Variants in GPC6 observed in about 807,000 individuals in gnomAD.
GPC6 encodes glypican-6.
GPC6 carries 14 observed loss-of-function variants against 55.2 expected under a neutral mutation model. That is an observed-to-expected ratio of 0.25 (90% CI 0.17 to 0.40). GPC6 has a LOEUF of 0.40. Ranked by LOEUF, GPC6 falls within the 10% of genes least tolerant of loss-of-function variation. The pLI, the probability that GPC6 is intolerant of heterozygous loss-of-function variation, is 1.00. For missense variants in GPC6, 641 were observed against 708.5 expected (o/e 0.90, Z 1.08); for synonymous variants, 278 against 259.6 (o/e 1.07, Z -0.68).
chr13:94,246,720 G>T (rs1268573402), intron 4 of GPC6, among the ~76,000 whole-genome samples: 1 of 151,944 alleles, frequency 6.6e-6, no homozygotes, highest in Non-Finnish European at 1.5e-5. Flanking sequence ...TGGTCTATGT[G>T]TCTGTTTTCA....
chr13:94,311,176 TATCTA>T (rs1876224977), intron 6 of GPC6, among the ~76,000 whole-genome samples: 1 of 152,102 alleles, frequency 6.6e-6, no homozygotes, highest in African/African-American at 2.4e-5. Context: ...AATAATCAGT[TATCTA>T]ATCTGGTTTC....
chr13:93,611,476 A>G (rs1309439598), intron 2 of GPC6, among the ~76,000 whole-genome samples: 1 of 152,130 alleles, frequency 6.6e-6, no homozygotes, highest in Non-Finnish European at 1.5e-5. Flanking sequence ...TTTTAAAAGC[A>G]CTCAGTACAG....
At chr13:93,464,331 T>C (rs1227584597) in intron 1 of GPC6, among the ~76,000 whole-genome samples, 2 of 152,198 alleles carry the variant, frequency 1.3e-5, no homozygotes, top group Non-Finnish European at 2.9e-5. Context: ...TAGCATGTGA[T>C]CCTATGTGAT....
intron 2 of GPC6, among the ~76,000 whole-genome samples, chr13:93,720,472 G>A (rs537299066): frequency 6.6e-6 from 1 of 151,430 alleles, no homozygotes; most frequent in African/African-American, 2.4e-5. Flanking sequence ...CTTCTTTTTG[G>A]TCTGGCTAGC....
chr13:94,083,342 T>C (rs755788205), intron 4 of GPC6, among the ~76,000 whole-genome samples: 2 of 152,170 alleles, frequency 1.3e-5, no homozygotes, highest in Admixed American at 6.6e-5. Context: ...ATGGTCTCGA[T>C]CTCCTGACCT....
chr13:94,287,054 G>T (rs556349282), intron 5 of GPC6, among the ~76,000 whole-genome samples: 1 of 152,118 alleles, frequency 6.6e-6, no homozygotes, highest in Non-Finnish European at 1.5e-5. Flanking sequence ...GAGCTCCTGG[G>T]TTTGCAGCTG....
At chr13:93,397,719 G>A (rs984169503) in intron 1 of GPC6, among the ~76,000 whole-genome samples, 22 of 151,466 alleles carry the variant, frequency 1.5e-4, no homozygotes, top group Middle Eastern at 3.5e-3. Flanking sequence ...TGTCTGGTTT[G>A]TTCCTATTGC....
chr13:94,373,910 C>T (rs1416148304), intron 6 of GPC6, among the ~76,000 whole-genome samples: 1 of 152,042 alleles, frequency 6.6e-6, no homozygotes, highest in African/African-American at 2.4e-5. Context: ...GGCCAATATT[C>T]AACATTCTTA....
chr13:94,041,799 C>T (rs1883544452), intron 4 of GPC6, among the ~76,000 whole-genome samples: 1 of 151,846 alleles, frequency 6.6e-6, no homozygotes, highest in South Asian at 2.1e-4. Flanking sequence ...ATTCTTTATT[C>T]TCGATCTTCC....
intron 4 of GPC6, among the ~76,000 whole-genome samples, chr13:94,047,511 A>G (rs1055174984): frequency 4.6e-5 from 7 of 151,678 alleles, no homozygotes; most frequent in African/African-American, 1.7e-4. Context: ...AGTATGGAAG[A>G]AAAAAAAAGA....
chr13:93,411,976 C>T (rs2139245972), intron 1 of GPC6, among the ~76,000 whole-genome samples: 1 of 150,432 alleles, frequency 6.6e-6, no homozygotes, highest in Middle Eastern at 3.4e-3. Flanking sequence ...TTACTCCAGC[C>T]TGGGCAACAG....
At chr13:93,773,225 A>T (rs1034108789) in intron 2 of GPC6, among the ~76,000 whole-genome samples, 1 of 152,222 alleles carries the variant, frequency 6.6e-6, no homozygotes, top group African/African-American at 2.4e-5. Flanking sequence ...TAAAGCCTGC[A>T]TGATGGATTC....
chr13:94,164,990 AT>A (rs139518929), intron 4 of GPC6, among the ~76,000 whole-genome samples: 3,427 of 151,984 alleles, frequency 0.023, 137 homozygotes, highest in African/African-American at 0.078. Context: ...GAGTGTGGAG[AT>A]TTTTTAAAGA....
intron 4 of GPC6, among the ~76,000 whole-genome samples, chr13:94,224,681 GT>G (rs1890492224): frequency 6.6e-6 from 1 of 152,034 alleles, no homozygotes; most frequent in South Asian, 2.1e-4. Context: ...TCTGTTGAAG[GT>G]TTTTGGAGCA....
chr13:94,107,007 C>T (rs941385790), intron 4 of GPC6, among the ~76,000 whole-genome samples: 17 of 152,014 alleles, frequency 1.1e-4, no homozygotes, highest in Admixed American at 5.2e-4. Flanking sequence ...GATGTTCAGC[C>T]GGACTAAGGG....
At chr13:93,765,309 A>AAGCTGTCTGGAAAGACAAC (rs1287047496) in intron 2 of GPC6, among the ~76,000 whole-genome samples, 1 of 27,500 alleles carries the variant, frequency 3.6e-5, no homozygotes, top group Admixed American at 4.2e-4. Flanking sequence ...AAGACAACTT[A>AAGCTGTCTGGAAAGACAAC]TTTGGTTTAA....
intron 2 of GPC6, among the ~76,000 whole-genome samples, chr13:93,790,536 T>C (rs1389610539): frequency 6.6e-6 from 1 of 152,172 alleles, no homozygotes; most frequent in African/African-American, 2.4e-5. Flanking sequence ...ATTCTCTCTT[T>C]TGAGTTAGGA....
chr13:94,031,733 G>T (rs1448904396), intron 4 of GPC6, among the ~76,000 whole-genome samples: 1 of 152,184 alleles, frequency 6.6e-6, no homozygotes, highest in Admixed American at 6.5e-5. Flanking sequence ...ACAGTTTGTG[G>T]GCAGAACTCG....
intron 1 of GPC6, among the ~76,000 whole-genome samples, chr13:93,265,403 T>C (rs1175774662): frequency 6.6e-6 from 1 of 152,174 alleles, no homozygotes; most frequent in African/African-American, 2.4e-5. Context: ...ACACCATAAG[T>C]AGAGAATTCT....
Sources: allele counts gnomAD v4.1 joint callset (sites outside exome capture counted in the v4.1 genomes callset), GRCh38; gene constraint gnomAD v4.1.1; transcripts MANE v1.5; gene names NCBI Gene and HGNC (gene_info 2026-07-23, HGNC 2026-07-21).